NLGN4X: variants seen among roughly 807,000 people sequenced by gnomAD.
NLGN4X encodes the protein neuroligin-4, X-linked.
In NLGN4X, 3 loss-of-function variants were observed where a neutral mutation model predicts 40.3. That is an observed-to-expected ratio of 0.07 (90% CI 0.03 to 0.19). The LOEUF is 0.19. Ranked by LOEUF, NLGN4X falls within the 10% of genes least tolerant of loss-of-function variation. The pLI is 1.00. For missense variants in NLGN4X, 382 were observed against 708.3 expected, an observed-to-expected ratio of 0.54 and a Z score of 5.23; for synonymous variants, 270 against 306.8, an observed-to-expected ratio of 0.88 and a Z score of 1.25.
intron 3 of NLGN4X, among the ~76,000 whole-genome samples, chrX:5,943,217 C>T (rs994247058): frequency 9.0e-6 from 1 of 111,355 alleles, no homozygotes; most frequent in Non-Finnish European, 1.9e-5. Flanking sequence ...AGGAATGCTA[C>T]GGTTCTCAAG....
chrX:5,953,484 G>C (rs2034384436), intron 3 of NLGN4X, among the ~76,000 whole-genome samples: 1 of 111,980 alleles, frequency 8.9e-6, no homozygotes, highest in African/African-American at 3.2e-5. Context: ...TCTTAACACA[G>C]AGAAGGGATA....
chrX:6,065,807 G>A (rs1465889804), intron 2 of NLGN4X, among the ~76,000 whole-genome samples: 1 of 111,234 alleles, frequency 9.0e-6, no homozygotes, highest in African/African-American at 3.3e-5. Context: ...TTTTCCTTCT[G>A]CCTATCTTGA....
At chrX:6,091,479 T>C (rs1482415064) in intron 2 of NLGN4X, among the ~76,000 whole-genome samples, 1 of 111,668 alleles carries the variant, frequency 9.0e-6, no homozygotes, top group Non-Finnish European at 1.9e-5. Context: ...AAGGAGGCAA[T>C]GCCTACTTTC....
intron 2 of NLGN4X, among the ~76,000 whole-genome samples, chrX:6,104,512 C>A (rs1029650299): frequency 1.1e-5 from 1 of 92,146 alleles, no homozygotes; most frequent in Non-Finnish European, 2.2e-5. Flanking sequence ...CACTTTTATC[C>A]TGAAGATCTT....
At chrX:6,128,462 T>C (rs1437824124) in intron 2 of NLGN4X, among the ~76,000 whole-genome samples, 2 of 112,350 alleles carry the variant, frequency 1.8e-5, no homozygotes, top group Admixed American at 1.9e-4. Context: ...AATATTATCC[T>C]GTAATGCCAT....
intron 1 of NLGN4X, among the ~76,000 whole-genome samples, chrX:6,201,600 T>C (rs776960233): frequency 8.9e-6 from 1 of 111,933 alleles, no homozygotes; most frequent in African/African-American, 3.2e-5. Flanking sequence ...AGTACAGATG[T>C]ATCTCAGAAG....
chrX:5,897,398 C>G (rs2031553904), intron 5 of NLGN4X, among the ~76,000 whole-genome samples: 1 of 111,869 alleles, frequency 8.9e-6, no homozygotes, highest in Non-Finnish European at 1.9e-5. Flanking sequence ...AGGAAAAGGA[C>G]TTTAATGCTC....
intron 3 of NLGN4X, among the ~76,000 whole-genome samples, chrX:6,013,705 A>C (rs941345334): frequency 1.8e-5 from 2 of 109,784 alleles, no homozygotes; most frequent in Non-Finnish European, 3.8e-5. Flanking sequence ...AACAAATATA[A>C]AACTTAGCTG....
At chrX:5,995,223 C>A (rs970540717) in intron 3 of NLGN4X, among the ~76,000 whole-genome samples, 1 of 112,221 alleles carries the variant, frequency 8.9e-6, no homozygotes, top group Non-Finnish European at 1.9e-5. Flanking sequence ...CCCATGAAGG[C>A]ACTGTCCTCT....
rs1426558691 is a variant in NLGN4X at position 5,979,726 on chromosome X, GTGTGTATATATACACACATACATATATA to G, written c.625+49526_625+49553del. On this transcript the variant is annotated intron_variant, in intron 3 of 5. Transcript: ENST00000381095. Reference sequence around the variant, plus strand: ...AATTCTCCTTTTAGAATATATATATGTGTGTATATATACACACATACATATATATGTGTATATATACACACATACATAT... The same window carrying G: ...AATTCTCCTTTTAGAATATATATATGTGTGTATATATACACACATACATAT... 1.9e-3 allele frequency among the ~76,000 whole-genome samples: 97 copies of G among 50,216 alleles called. 2 individuals carry two copies. Among genetic ancestry groups the G allele is most frequent in the African/African-American group, 6.4e-3 (75 of 11,686 alleles). The allele number at this position is 50,216 out of a possible 115,157, so 43.6% of individuals were successfully genotyped here. A position where few individuals can be genotyped will look rare whatever the true frequency, so the allele number is the denominator to read the frequency against.
At chrX:5,921,303 CAT>C (rs2033033867) in intron 3 of NLGN4X, among the ~76,000 whole-genome samples, 1 of 105,683 alleles carries the variant, frequency 9.5e-6, no homozygotes, top group South Asian at 4.4e-4. Flanking sequence ...CAAATGAAAA[CAT>C]ATTCACTTTT....
chrX:6,022,716 T>C (rs911673791), intron 3 of NLGN4X, among the ~76,000 whole-genome samples: 5 of 111,481 alleles, frequency 4.5e-5, no homozygotes, highest in Non-Finnish European at 7.5e-5. Flanking sequence ...CTCACACATA[T>C]CACAAAAGCA....
intron 1 of NLGN4X, among the ~76,000 whole-genome samples, chrX:6,176,938 T>C (rs1477596407): frequency 9.0e-6 from 1 of 111,692 alleles, no homozygotes; most frequent in Non-Finnish European, 1.9e-5. Flanking sequence ...TAAAAAGCAC[T>C]TGGAACAGGT....
At chrX:5,992,009 T>C (rs745551425) in intron 3 of NLGN4X, among the ~76,000 whole-genome samples, 2 of 112,231 alleles carry the variant, frequency 1.8e-5, no homozygotes, top group African/African-American at 6.5e-5. Flanking sequence ...CCTGCCATGT[T>C]AGTTTCATGC....
intron 1 of NLGN4X, among the ~76,000 whole-genome samples, chrX:6,164,509 G>T (rs2040461265): frequency 8.9e-6 from 1 of 112,361 alleles, no homozygotes; most frequent in Admixed American, 9.4e-5. Context: ...TGGGTCTGCA[G>T]ATGGTTGATC....
At chrX:6,201,094 G>A (rs1697111998) in intron 1 of NLGN4X, among the ~76,000 whole-genome samples, 1 of 111,535 alleles carries the variant, frequency 9.0e-6, no homozygotes, top group Admixed American at 9.6e-5. Flanking sequence ...GTCAACTACT[G>A]AAATTCACAC....
At chrX:6,041,994 A>T (rs1330837808) in intron 2 of NLGN4X, among the ~76,000 whole-genome samples, 1 of 112,331 alleles carries the variant, frequency 8.9e-6, no homozygotes, top group Non-Finnish European at 1.9e-5. Flanking sequence ...ACGTGGCAAT[A>T]ACATGATTTT....
chrX:5,892,652 G>T lies in NLGN4X; in HGVS notation c.*165C>A. ...AAAACACCAACGATAAGGGTCTGCCGGGATGGGATGACTGCCTTTTTGCAT... is the reference window on the plus strand; with the variant it reads ...AAAACACCAACGATAAGGGTCTGCCTGGATGGGATGACTGCCTTTTTGCAT... On this transcript the variant is annotated 3_prime_UTR_variant, in exon 6 of 6. Coordinates refer to ENST00000381095, the MANE Select transcript of NLGN4X (RefSeq NM_181332.3). 1.6e-6 allele frequency: 1 copy of T among 637,184 alleles called. No individual in the cohort carries two copies. Among genetic ancestry groups the T allele is most frequent in the Non-Finnish European group, 2.4e-6 (1 of 413,206 alleles). 52.5% of individuals were successfully genotyped at this position (637,184 alleles called of 1,213,427 possible).
intron 1 of NLGN4X, among the ~76,000 whole-genome samples, chrX:6,196,424 C>T (rs891976803): frequency 5.0e-4 from 54 of 108,130 alleles, no homozygotes; most frequent in African/African-American, 1.7e-3. Flanking sequence ...TGGTGGCGGG[C>T]GCCTGTAGTC....
Sources: allele counts gnomAD v4.1 joint callset (sites outside exome capture counted in the v4.1 genomes callset), GRCh38; gene constraint gnomAD v4.1.1; transcripts MANE v1.5; gene names NCBI Gene and HGNC (gene_info 2026-07-23, HGNC 2026-07-21).